The following EXOC4 variants were observed in gnomAD, a reference collection of about 807,000 sequenced individuals.
The protein encoded by EXOC4 is exocyst complex component 4, also known as SEC8-like 1.
In EXOC4, 71 loss-of-function variants were observed where a neutral mutation model predicts 107.2. That is an observed-to-expected ratio of 0.66 (90% CI 0.55 to 0.81). The LOEUF (loss-of-function observed/expected upper bound fraction) is 0.81, where lower values mean the gene tolerates loss of function less well. Ranked by LOEUF, EXOC4 falls within the 30% of genes least tolerant of loss-of-function variation. The probability of loss-of-function intolerance (pLI) is 0.00; values close to 1 mark genes in which losing one functional copy is unlikely to be tolerated. For synonymous variants in EXOC4, 456 were observed against 441.2 expected, an observed-to-expected ratio of 1.03 and a Z score of -0.42; for missense variants, 1,108 against 1,189.6, an observed-to-expected ratio of 0.93 and a Z score of 1.01.
downstream of EXOC4, among the ~76,000 whole-genome samples, chr7:134,071,125 T>C (rs141253682): frequency 3.5e-4 from 53 of 152,348 alleles, 1 homozygote; most frequent in South Asian, 0.011. Context: ...GCTAAATGCT[T>C]TACCACATTA....
chr7:133,281,434 A>T (rs1294372049), intron 2 of EXOC4, among the ~76,000 whole-genome samples: 2 of 150,902 alleles, frequency 1.3e-5, no homozygotes, highest in African/African-American at 4.8e-5. Flanking sequence ...GATAGTACTT[A>T]TATGTAGATT....
intron 14 of EXOC4, among the ~76,000 whole-genome samples, chr7:133,990,361 T>C (rs1037385433): frequency 6.9e-5 from 10 of 144,852 alleles, no homozygotes; most frequent in Non-Finnish European, 1.5e-4. Context: ...TGAGTGAGAA[T>C]GTGTGATATT....
intron 10 of EXOC4, among the ~76,000 whole-genome samples, chr7:133,657,420 T>A (rs1803325437): frequency 6.6e-6 from 1 of 152,214 alleles, no homozygotes; most frequent in African/African-American, 2.4e-5. Context: ...AATTAAATTT[T>A]ACTGATGTTG....
chr7:133,707,992 A>G (rs1488284654), intron 10 of EXOC4, among the ~76,000 whole-genome samples: 1 of 152,204 alleles, frequency 6.6e-6, no homozygotes, highest in East Asian at 1.9e-4. Flanking sequence ...ATGGAATGAT[A>G]AAAATACCAG....
chr7:133,822,581 A>G (rs918315830), intron 11 of EXOC4, among the ~76,000 whole-genome samples: 1 of 152,212 alleles, frequency 6.6e-6, no homozygotes, highest in African/African-American at 2.4e-5. Context: ...GCATTTGTAT[A>G]GAATCTCCAG....
chr7:133,597,748 C>T (rs1372628030), intron 9 of EXOC4, among the ~76,000 whole-genome samples: 2 of 151,984 alleles, frequency 1.3e-5, no homozygotes, highest in African/African-American at 4.8e-5. Context: ...GATGTCATCA[C>T]ACCTGTAATC....
intron 11 of EXOC4, among the ~76,000 whole-genome samples, chr7:133,849,042 A>C (rs914799364): frequency 6.6e-6 from 1 of 152,316 alleles, no homozygotes; most frequent in African/African-American, 2.4e-5. Context: ...ATCTGTTTTA[A>C]CCTGAAGCCT....
intron 13 of EXOC4, among the ~76,000 whole-genome samples, chr7:133,920,997 A>C (rs1799924601): frequency 2.0e-5 from 3 of 152,218 alleles, no homozygotes; most frequent in Admixed American, 2.0e-4. Flanking sequence ...GGAGGGATAG[A>C]CAGATAGATT....
intron 9 of EXOC4, among the ~76,000 whole-genome samples, chr7:133,593,862 T>A (rs1232394985): frequency 6.6e-6 from 1 of 152,236 alleles, no homozygotes; most frequent in Non-Finnish European, 1.5e-5. Flanking sequence ...TGTTTTATTC[T>A]GATTAAATAT....
At chr7:133,648,468 T>C (rs930999006) in intron 10 of EXOC4, among the ~76,000 whole-genome samples, 3 of 152,208 alleles carry the variant, frequency 2.0e-5, no homozygotes, top group African/African-American at 7.2e-5. Flanking sequence ...CAATATAATA[T>C]TGTTCTCAAA....
chr7:133,714,629 G>A (rs1021744692), intron 10 of EXOC4, among the ~76,000 whole-genome samples: 3 of 152,212 alleles, frequency 2.0e-5, no homozygotes, highest in Non-Finnish European at 2.9e-5. Flanking sequence ...AGCATGTACA[G>A]ACTTTTTTTG....
chr7:133,260,977 T>C (rs962479126), intron 1 of EXOC4, among the ~76,000 whole-genome samples: 3 of 152,206 alleles, frequency 2.0e-5, no homozygotes, highest in Non-Finnish European at 4.4e-5. Context: ...CACTAGTCTT[T>C]TCTGCTATTC....
intron 9 of EXOC4, among the ~76,000 whole-genome samples, chr7:133,492,212 A>T (rs1013983762): frequency 1.3e-5 from 2 of 152,144 alleles, no homozygotes; most frequent in African/African-American, 4.8e-5. Flanking sequence ...CTCATAGAAG[A>T]ATTCTTAGGT....
At chr7:133,982,568 A>C (rs1189976807) in intron 14 of EXOC4, among the ~76,000 whole-genome samples, 1 of 152,110 alleles carries the variant, frequency 6.6e-6, no homozygotes, top group East Asian at 1.9e-4. Flanking sequence ...AAAACAAAAC[A>C]AAAAAAGATA....
Position 133,667,189 on chromosome 7 carries a change from CGAG to C in EXOC4, c.1514+37052_1514+37054del, listed in dbSNP as rs1231243827. On this transcript the variant is annotated intron_variant, in intron 10 of 17. Coordinates refer to ENST00000253861, the MANE Select transcript of EXOC4 (RefSeq NM_021807.4). ...TTCTTTCCTCCATACCCTAAGTAAT[CGAG>C]GAGAGTGTGGCTTTAGACAAAGGAC... Among the ~76,000 whole-genome samples, 3 of 152,318 alleles carry C rather than the reference CGAG, an allele frequency of 2.0e-5. No homozygotes were observed. In the East Asian group the frequency reaches 5.8e-4, roughly 29 times the overall value.
intron 10 of EXOC4, among the ~76,000 whole-genome samples, chr7:133,780,897 C>G (rs533399411): frequency 1.4e-4 from 21 of 152,306 alleles, no homozygotes; most frequent in African/African-American, 4.8e-4. Flanking sequence ...ATTTTTATCT[C>G]CTGAAATGCT....
intron 13 of EXOC4, among the ~76,000 whole-genome samples, chr7:133,929,650 C>T (rs1292655808): frequency 6.6e-6 from 1 of 151,958 alleles, no homozygotes; most frequent in Non-Finnish European, 1.5e-5. Flanking sequence ...GGGATTTAGC[C>T]TACAGAATAT....
intron 1 of EXOC4, among the ~76,000 whole-genome samples, chr7:133,256,273 G>A (rs550555429): frequency 2.0e-5 from 3 of 152,264 alleles, no homozygotes; most frequent in African/African-American, 7.2e-5. Context: ...GAGCCACCGC[G>A]CCTGGTCTGC....
chr7:133,583,474 GA>G (rs1355850393), intron 9 of EXOC4, among the ~76,000 whole-genome samples: 3 of 152,230 alleles, frequency 2.0e-5, no homozygotes, highest in African/African-American at 7.2e-5. Flanking sequence ...AAGGGCACTT[GA>G]GAGGTGCAGG....
Sources: allele counts gnomAD v4.1 joint callset (sites outside exome capture counted in the v4.1 genomes callset), GRCh38; gene constraint gnomAD v4.1.1; transcripts MANE v1.5; gene names NCBI Gene and HGNC (gene_info 2026-07-23, HGNC 2026-07-21).